Variants in EDA observed in about 807,000 individuals in gnomAD.
The protein encoded by EDA is ectodysplasin A.
A neutral mutation model predicts 23.6 loss-of-function variants in EDA; 2 were observed. That is an observed-to-expected ratio of 0.08 (90% CI 0.03 to 0.27). The LOEUF (loss-of-function observed/expected upper bound fraction) is 0.27, where lower values mean the gene tolerates loss of function less well. Ranked by LOEUF, EDA falls within the 10% of genes least tolerant of loss-of-function variation. The pLI is 1.00. For missense variants in EDA, 229 were observed against 324.2 expected, an observed-to-expected ratio of 0.71 and a Z score of 2.26; for synonymous variants, 131 against 132.0, an observed-to-expected ratio of 0.99 and a Z score of 0.05.
At chrX:69,630,246 T>A (rs187167701) in intron 1 of EDA, among the ~76,000 whole-genome samples, 47 of 111,827 alleles carry the variant, frequency 4.2e-4, no homozygotes, top group African/African-American at 1.5e-3. Flanking sequence ...AAGTATTAAA[T>A]GCTAGAATTC....
chrX:69,686,329 A>T (rs1485332945), intron 1 of EDA, among the ~76,000 whole-genome samples: 12 of 112,408 alleles, frequency 1.1e-4, no homozygotes, highest in Admixed American at 8.5e-4. Context: ...AAAATGCATG[A>T]TGGTAAAGAA....
rs1249638720 is a variant in EDA at position 70,035,971 on chromosome X, C to T, written c.*362C>T. ...CAGCAGGCCAGAGAAAGCAAAGGTGCACTCCAGACTCTGGGGGTGGACATC... is the reference window on the plus strand; with the variant it reads ...CAGCAGGCCAGAGAAAGCAAAGGTGTACTCCAGACTCTGGGGGTGGACATC... On this transcript the variant is annotated 3_prime_UTR_variant, in exon 8 of 8. Transcript: ENST00000374552. 2.0e-5 allele frequency: 5 copies of T among 244,145 alleles called. No homozygotes were observed. Among genetic ancestry groups the T allele is most frequent in the Admixed American group, 6.4e-5 (1 of 15,557 alleles). 20.1% of individuals were successfully genotyped at this position (244,145 alleles called of 1,213,427 possible).
intron 1 of EDA, among the ~76,000 whole-genome samples, chrX:69,800,528 T>A (rs2804349): frequency 0.3 from 32,378 of 109,257 alleles, 4,737 homozygotes; most frequent in Middle Eastern, 0.55. Context: ...TATCATTTTT[T>A]AAAAAATAAC....
At chrX:69,620,404 T>G (rs966665350) in intron 1 of EDA, 1 of 112,307 alleles carries the variant, frequency 8.9e-6, no homozygotes, top group African/African-American at 3.2e-5. Context: ...AAACATTGCT[T>G]GACATAACTA....
At chrX:69,974,649 T>C (rs1199996145) in intron 2 of EDA, among the ~76,000 whole-genome samples, 1 of 111,744 alleles carries the variant, frequency 8.9e-6, no homozygotes, top group African/African-American at 3.2e-5. Context: ...AAACTATACA[T>C]CTGACAAAGG....
intron 1 of EDA, among the ~76,000 whole-genome samples, chrX:69,676,177 A>G (rs1268122650): frequency 9.0e-6 from 1 of 111,521 alleles, no homozygotes; most frequent in East Asian, 2.8e-4. Context: ...TGAGTGAAAT[A>G]GGAAACCAAT....
At chrX:69,676,824 GTTTTC>G (rs1469386130) in intron 1 of EDA, among the ~76,000 whole-genome samples, 1 of 110,561 alleles carries the variant, frequency 9.0e-6, no homozygotes, top group African/African-American at 3.3e-5. Context: ...ATCCTTTGCT[GTTTTC>G]TTTTTTTTAT....
rs2020302700 is a variant in EDA at position 70,039,341 on chromosome X, T to C, written c.*3732T>C. On this transcript the variant is annotated 3_prime_UTR_variant, in exon 8 of 8. Coordinates refer to ENST00000374552, the MANE Select transcript of EDA (RefSeq NM_001399.5). ...CCTGGAGCAGGCCCAATGCTGCTTT[T>C]GGGGGTCAGCATCCAGTGTGAGATA... 1 of 112,297 alleles carries C rather than the reference T, an allele frequency of 8.9e-6. No homozygotes were observed. Among genetic ancestry groups the C allele is most frequent in the Non-Finnish European group, 1.9e-5 (1 of 53,200 alleles). 9.3% of individuals were successfully genotyped at this position (112,297 alleles called of 1,213,427 possible).
chrX:69,930,614 G>A (rs1296853036), intron 1 of EDA, among the ~76,000 whole-genome samples: 1 of 111,386 alleles, frequency 9.0e-6, no homozygotes, highest in Non-Finnish European at 1.9e-5. Context: ...CTAAAATCAG[G>A]AACAAGATTA....
chrX:69,980,756 G>A (rs1490971110), intron 2 of EDA, among the ~76,000 whole-genome samples: 1 of 112,167 alleles, frequency 8.9e-6, no homozygotes, highest in Non-Finnish European at 1.9e-5. Context: ...CATCATCTCT[G>A]CACATGAAGT....
At chrX:70,030,787 G>A (rs1233048391) in intron 6 of EDA, among the ~76,000 whole-genome samples, 1 of 112,716 alleles carries the variant, frequency 8.9e-6, no homozygotes, top group Admixed American at 9.3e-5. Flanking sequence ...CATTCTCAGG[G>A]GATGGAGGTT....
intron 1 of EDA, among the ~76,000 whole-genome samples, chrX:69,912,865 T>C (rs986721896): frequency 2.8e-5 from 3 of 107,656 alleles, no homozygotes; most frequent in African/African-American, 6.8e-5. Flanking sequence ...CCTCCCAGGT[T>C]CAAGCAATTC....
chrX:69,700,874 G>A (rs1346232860), intron 1 of EDA, among the ~76,000 whole-genome samples: 2 of 110,978 alleles, frequency 1.8e-5, no homozygotes, highest in Non-Finnish European at 3.8e-5. Flanking sequence ...GTACTATGGG[G>A]AACGTGGAAG....
intron 1 of EDA, among the ~76,000 whole-genome samples, chrX:69,809,334 A>G (rs374744695): frequency 1.8e-5 from 2 of 111,322 alleles, no homozygotes; most frequent in East Asian, 2.8e-4. Flanking sequence ...GGGAAGAGAG[A>G]GAGCAAAGAG....
intron 1 of EDA, among the ~76,000 whole-genome samples, chrX:69,718,390 A>T (rs1450513898): frequency 4.5e-5 from 5 of 111,222 alleles, no homozygotes; most frequent in Non-Finnish European, 9.4e-5. Flanking sequence ...TAAGGAAAAA[A>T]TACTCAGATT....
chrX:69,998,845 C>T (rs1243761096), intron 2 of EDA, among the ~76,000 whole-genome samples: 1 of 111,646 alleles, frequency 9.0e-6, no homozygotes, highest in African/African-American at 3.3e-5. Context: ...GTGAGATGTG[C>T]CTTTCACCTT....
intron 1 of EDA, among the ~76,000 whole-genome samples, chrX:69,642,730 A>T (rs1462067312): frequency 9.0e-6 from 1 of 111,605 alleles, no homozygotes; most frequent in Non-Finnish European, 1.9e-5. Context: ...TTGAAATATT[A>T]CTATAGCTTC....
intron 1 of EDA, among the ~76,000 whole-genome samples, chrX:69,924,306 A>G (rs752725422): frequency 5.4e-5 from 6 of 111,804 alleles, no homozygotes; most frequent in Non-Finnish European, 1.1e-4. Context: ...TGGGTTTTAC[A>G]TGTAAGTCCT....
intron 1 of EDA, among the ~76,000 whole-genome samples, chrX:69,943,246 T>A (rs769647111): frequency 9.0e-6 from 1 of 111,466 alleles, no homozygotes; most frequent in African/African-American, 3.3e-5. Flanking sequence ...TATTCATCGA[T>A]GTCTGGGCAT....
Sources: gnomAD v4.1 joint callset for allele counts (sites outside exome capture counted in the v4.1 genomes callset) on GRCh38, gnomAD v4.1.1 for gene constraint, MANE v1.5 for transcripts, NCBI Gene and HGNC (gene_info 2026-07-23, HGNC 2026-07-21) for gene names.